Variants in DOCK2 observed in about 807,000 individuals in gnomAD.
DOCK2 encodes dedicator of cytokinesis protein 2.
DOCK2 carries 87 observed loss-of-function variants against 248.9 expected under a neutral mutation model. The observed-to-expected ratio is 0.35, with a 90% confidence interval of 0.29 to 0.42. DOCK2 has a LOEUF of 0.42. Ranked by LOEUF, DOCK2 falls within the 10% of genes least tolerant of loss-of-function variation. DOCK2 has a pLI of 1.00. For missense variants in DOCK2, 1,747 were observed against 2,300.2 expected (o/e 0.76, Z 4.92); for synonymous variants, 805 against 821.6 (o/e 0.98, Z 0.35).
chr5:169,966,541 A>C (rs1777307230), intron 27 of DOCK2, among the ~76,000 whole-genome samples: 1 of 152,206 alleles, frequency 6.6e-6, no homozygotes, highest in Non-Finnish European at 1.5e-5. Context: ...CCTGCACAGC[A>C]ATAATTGGAG....
chr5:169,918,819 A>G (rs907554918), intron 27 of DOCK2, among the ~76,000 whole-genome samples: 3 of 152,298 alleles, frequency 2.0e-5, no homozygotes, highest in African/African-American at 4.8e-5. Flanking sequence ...AGGCTGAGGC[A>G]GGAGGATTGC....
intron 27 of DOCK2, among the ~76,000 whole-genome samples, chr5:169,897,851 G>C (rs1016746527): frequency 2.6e-5 from 4 of 152,206 alleles, no homozygotes; most frequent in African/African-American, 9.7e-5. Flanking sequence ...CTATGTAATA[G>C]AGGAGTGGAC....
chr5:169,955,898 A>C (rs1182230806), intron 27 of DOCK2, among the ~76,000 whole-genome samples: 1 of 152,158 alleles, frequency 6.6e-6, no homozygotes, highest in Non-Finnish European at 1.5e-5. Flanking sequence ...GGCTCATTGT[A>C]CTGCTCAAGT....
chr5:169,711,463 A>G (rs1484421093), intron 15 of DOCK2, among the ~76,000 whole-genome samples: 1 of 152,226 alleles, frequency 6.6e-6, no homozygotes, highest in Non-Finnish European at 1.5e-5. Flanking sequence ...GGATTTTTCC[A>G]AATATTATTG....
intron 27 of DOCK2, among the ~76,000 whole-genome samples, chr5:169,959,794 T>C (rs1777010071): frequency 6.6e-6 from 1 of 152,134 alleles, no homozygotes; most frequent in Admixed American, 6.5e-5. Context: ...CTAGAAGTAG[T>C]TCTGTGGAAA....
chr5:169,776,679 A>C (rs1765404356), intron 25 of DOCK2, among the ~76,000 whole-genome samples: 1 of 152,194 alleles, frequency 6.6e-6, no homozygotes, highest in Non-Finnish European at 1.5e-5. Flanking sequence ...GGGTGGAACC[A>C]GGTGAAGATA....
intron 27 of DOCK2, among the ~76,000 whole-genome samples, chr5:169,952,816 A>G (rs1290607809): frequency 6.6e-6 from 1 of 152,210 alleles, no homozygotes; most frequent in Non-Finnish European, 1.5e-5. Flanking sequence ...TGAAGCCACC[A>G]GAATACATAA....
At chr5:170,067,477 GC>G (rs1187859728) in intron 44 of DOCK2, 32 bp from the exon 45 acceptor site, 1 of 1,599,070 alleles carries the variant, frequency 6.3e-7, no homozygotes, top group Non-Finnish European at 8.5e-7. Context: ...CTTAACTAAG[GC>G]CCTTTCTTCT....
intron 27 of DOCK2, among the ~76,000 whole-genome samples, chr5:169,916,149 C>A (rs935193275): frequency 2.0e-5 from 3 of 152,146 alleles, no homozygotes; most frequent in African/African-American, 7.2e-5. Flanking sequence ...TTTACTCTAC[C>A]GGGCAGAAGC....
intron 27 of DOCK2, among the ~76,000 whole-genome samples, chr5:169,871,819 A>T (rs927576933): frequency 6.6e-6 from 1 of 152,184 alleles, no homozygotes; most frequent in Admixed American, 6.5e-5. Context: ...GGACCAGCTG[A>T]CCAGTCCACC....
intron 23 of DOCK2, among the ~76,000 whole-genome samples, chr5:169,758,746 G>A (rs1467841604): frequency 6.6e-6 from 1 of 152,106 alleles, no homozygotes; most frequent in Admixed American, 6.6e-5. Context: ...AGCAGTCTTT[G>A]GTACAGCTTC....
chr5:170,037,768 G>A (rs540476174), intron 36 of DOCK2, among the ~76,000 whole-genome samples: 1 of 152,288 alleles, frequency 6.6e-6, no homozygotes, highest in African/African-American at 2.4e-5. Flanking sequence ...TTACAGGCGT[G>A]AGCCACTGCG....
At chr5:169,823,176 A>G (rs1768589614) in intron 26 of DOCK2, among the ~76,000 whole-genome samples, 1 of 152,222 alleles carries the variant, frequency 6.6e-6, no homozygotes. Flanking sequence ...GTCACAGCCA[A>G]ATTCTACCAG....
At position 170,004,017 on chromosome 5, in the gene DOCK2, A is replaced by C. The variant is rs796444269; in HGVS notation, c.3073-4480A>C. ...CACAGCTACAGCCTCATGGCTCATA[A>C]AGGTCTTCCAGAATGGAAGCCAAAA... is the stretch of plus-strand genomic sequence containing the variant. On this transcript the variant is annotated intron_variant, in intron 30 of 51. Transcript: ENST00000520908. 3.9e-5 allele frequency among the ~76,000 whole-genome samples: 6 copies of C among 152,194 alleles called. No individual in the cohort carries two copies. The East Asian group carries it at 1.2e-3, about 29-fold the overall frequency.
chr5:169,685,111 G>C (rs1759888619), intron 8 of DOCK2, among the ~76,000 whole-genome samples: 1 of 152,234 alleles, frequency 6.6e-6, no homozygotes, highest in African/African-American at 2.4e-5. Context: ...TCTTAAGCCT[G>C]AGTTTCCCAT....
chr5:169,753,274 G>T (rs1763999850), intron 23 of DOCK2, among the ~76,000 whole-genome samples: 1 of 152,078 alleles, frequency 6.6e-6, no homozygotes, highest in Non-Finnish European at 1.5e-5. Context: ...TGCCATGGTG[G>T]TTTGCTGCAC....
At chr5:170,024,661 A>G (rs1755844149) in intron 33 of DOCK2, among the ~76,000 whole-genome samples, 1 of 152,202 alleles carries the variant, frequency 6.6e-6, no homozygotes, top group South Asian at 2.1e-4. Flanking sequence ...AGATGAGCAC[A>G]TTAAGCCTTA....
At chr5:169,822,696 A>C (rs112186903) in intron 26 of DOCK2, among the ~76,000 whole-genome samples, 2,014 of 152,314 alleles carry the variant, frequency 0.013, 22 homozygotes, top group Middle Eastern at 0.048. Flanking sequence ...CCCTAACATC[A>C]CAATTAAAAG....
chr5:169,990,369 G>T (rs1778174208), intron 29 of DOCK2, among the ~76,000 whole-genome samples: 1 of 152,150 alleles, frequency 6.6e-6, no homozygotes, highest in Non-Finnish European at 1.5e-5. Context: ...AAAGTGCTGG[G>T]ATTACAGACA....
Sources: gnomAD v4.1 joint callset for allele counts (sites outside exome capture counted in the v4.1 genomes callset) on GRCh38, gnomAD v4.1.1 for gene constraint, MANE v1.5 for transcripts, NCBI Gene and HGNC (gene_info 2026-07-23, HGNC 2026-07-21) for gene names.